The following PIBF1 variants were observed in gnomAD, a reference collection of about 807,000 sequenced individuals.
PIBF1 encodes the protein progesterone-induced-blocking factor 1.
Under a neutral mutation model 112.5 loss-of-function variants are expected in PIBF1, and 90 were observed. The observed-to-expected ratio is 0.80, with a 90% CI of 0.67 to 0.95. The LOEUF is 0.95. Among genes scored for constraint, PIBF1 ranks in the 40% least tolerant of loss-of-function variants. The pLI, the probability that PIBF1 is intolerant of heterozygous loss-of-function variation, is 0.00. For missense variants in PIBF1, 915 were observed against 852.3 expected, an observed-to-expected ratio of 1.07 and a Z score of -0.92; for synonymous variants, 301 against 288.6, an observed-to-expected ratio of 1.04 and a Z score of -0.44.
At chr13:72,900,606 GGATA>G (rs1247990449) in intron 11 of PIBF1, among the ~76,000 whole-genome samples, 1 of 152,136 alleles carries the variant, frequency 6.6e-6, no homozygotes, top group Non-Finnish European at 1.5e-5. Context: ...AACTCAAGAT[GGATA>G]AAGGACTTAA....
At chr13:72,938,087 T>G (rs936631203) in intron 14 of PIBF1, among the ~76,000 whole-genome samples, 1 of 152,220 alleles carries the variant, frequency 6.6e-6, no homozygotes. Flanking sequence ...TTTACATTTC[T>G]GACTATTTTT....
chr13:72,993,258 G>T (rs556045481), intron 16 of PIBF1, among the ~76,000 whole-genome samples: 1 of 152,052 alleles, frequency 6.6e-6, no homozygotes, highest in Non-Finnish European at 1.5e-5. Context: ...CCAGGAGGCG[G>T]AGGTTGTAGT....
chr13:73,013,573 T>TA (rs898222291), intron 17 of PIBF1, among the ~76,000 whole-genome samples: 5 of 151,092 alleles, frequency 3.3e-5, no homozygotes, highest in Admixed American at 2.6e-4. Flanking sequence ...CCCATCTCTA[T>TA]AAAAAATATA....
intron 17 of PIBF1, among the ~76,000 whole-genome samples, chr13:73,015,638 A>G (rs866437973): frequency 6.6e-6 from 1 of 152,336 alleles, no homozygotes. Context: ...AATCTTAAGT[A>G]TAGGCTTTGA....
chr13:72,905,772 G>C (rs956399243), intron 11 of PIBF1, among the ~76,000 whole-genome samples: 2 of 152,030 alleles, frequency 1.3e-5, no homozygotes, highest in Non-Finnish European at 2.9e-5. Flanking sequence ...CTGTCAACTT[G>C]GTCTCTGGAT....
chr13:72,949,615 C>T (rs1019728733), intron 14 of PIBF1, among the ~76,000 whole-genome samples: 3 of 152,158 alleles, frequency 2.0e-5, no homozygotes, highest in Admixed American at 6.5e-5. Context: ...CGGCACCCAG[C>T]TAACGAATAG....
At chr13:73,013,731 C>CAAAAAAAA (rs113104076) in intron 17 of PIBF1, among the ~76,000 whole-genome samples, 1 of 113,080 alleles carries the variant, frequency 8.8e-6, no homozygotes, top group African/African-American at 2.9e-5. Context: ...GAGCCTATCT[C>CAAAAAAAA]AAAAAAAAAA....
chr13:72,987,308 T>C (rs2043321959), intron 16 of PIBF1, among the ~76,000 whole-genome samples: 1 of 44,290 alleles, frequency 2.3e-5, no homozygotes, highest in Admixed American at 1.7e-4. Context: ...GTTGTTCTAC[T>C]TTTTTTTTTT....
rs189273297 is a variant in PIBF1, at chr13:72,787,703, G to C, written c.252+3982G>C. On this transcript the variant is annotated intron_variant, in intron 2 of 17. Coordinates refer to ENST00000326291, the MANE Select transcript of PIBF1 (RefSeq NM_006346.4). The stretch of plus-strand genomic sequence containing the variant: ...AGACAGAGTCTCACTCTGTTGCCCA[G>C]GCTGGAGTGCAGTGGCATGATCTCA... 7.5e-3 allele frequency among the ~76,000 whole-genome samples: 1,148 copies of C among 152,146 alleles called. 14 individuals are homozygous for C. Among genetic ancestry groups the C allele is most frequent in the Middle Eastern group, 0.014 (4 of 294 alleles).
intron 5 of PIBF1, among the ~76,000 whole-genome samples, chr13:72,807,682 G>T (rs751733728): frequency 6.6e-6 from 1 of 152,312 alleles, no homozygotes; most frequent in East Asian, 1.9e-4. Context: ...TAGTAGGGCA[G>T]ATTGGAGGAA....
chr13:72,937,075 T>G (rs925486149), intron 14 of PIBF1, among the ~76,000 whole-genome samples: 14 of 152,194 alleles, frequency 9.2e-5, no homozygotes, highest in Non-Finnish European at 1.8e-4. Context: ...AAAGTGTATG[T>G]TTTTCCAGCC....
chr13:72,927,988 TACACAC>T lies in PIBF1; in HGVS notation c.1731-3173_1731-3168del, dbSNP rs779852391. Among the ~76,000 whole-genome samples the T allele has an allele frequency of 2.4e-3, 125 of 52,398 alleles. 1 individual carries two copies. The highest frequency in any genetic ancestry group is 0.013 in the African/African-American group (114 of 9,110). 34.4% of individuals were successfully genotyped at this position (52,398 alleles called of 152,430 possible). On this transcript the variant is annotated intron_variant, in intron 13 of 17. Transcript: ENST00000326291. ...ATATATATATATATACATATATATA[TACACAC>T]ACATATATATACATATATATACATA...
rs1326878885 is a variant in PIBF1 at position 72,827,063 on chromosome 13, T to C, written c.860T>C (p.Ile287Thr). ...ATTGAGCTTAGGAGAAAACATGAAATACTTGAAGCCTCTCACATGATTCAA... is the reference window on the plus strand; with the variant it reads ...ATTGAGCTTAGGAGAAAACATGAAACACTTGAAGCCTCTCACATGATTCAA... ...EVIELRRKHE[I>T]LEASHMIQTK... Residue 287 changes from isoleucine (I) to threonine (T), a missense_variant, in exon 7 of 18, where the codon ATA becomes ACA. Coordinates refer to ENST00000326291, the MANE Select transcript of PIBF1 (RefSeq NM_006346.4). 8 of 1,606,466 alleles carry C rather than the reference T, an allele frequency of 5.0e-6. No homozygotes were observed. Among genetic ancestry groups the C allele is most frequent in the Non-Finnish European group, 6.8e-6 (8 of 1,176,406 alleles).
At chr13:72,795,075 A>G (rs1301170398) in intron 3 of PIBF1, among the ~76,000 whole-genome samples, 1 of 152,198 alleles carries the variant, frequency 6.6e-6, no homozygotes, top group Non-Finnish European at 1.5e-5. Flanking sequence ...AACCTTAAGC[A>G]GAAGAAATAT....
intron 15 of PIBF1, among the ~76,000 whole-genome samples, chr13:72,969,926 C>T (rs1021274385): frequency 2.6e-5 from 4 of 152,096 alleles, no homozygotes; most frequent in African/African-American, 4.8e-5. Flanking sequence ...CATCCAAAAG[C>T]GTTATCAAGT....
intron 2 of PIBF1, among the ~76,000 whole-genome samples, chr13:72,790,075 C>CT (rs2034818711): frequency 6.6e-6 from 1 of 152,166 alleles, no homozygotes; most frequent in Non-Finnish European, 1.5e-5. Context: ...CACCTATGCT[C>CT]TATCAGATTT....
chr13:72,818,463 C>G (rs933642364), intron 5 of PIBF1, among the ~76,000 whole-genome samples: 1 of 152,054 alleles, frequency 6.6e-6, no homozygotes, highest in East Asian at 1.9e-4. Flanking sequence ...TCTTATAGCC[C>G]ACATTTGGTT....
At chr13:72,816,644 G>C (rs1331093257) in intron 5 of PIBF1, among the ~76,000 whole-genome samples, 1 of 147,814 alleles carries the variant, frequency 6.8e-6, no homozygotes, top group African/African-American at 2.5e-5. Flanking sequence ...CTGGGCAACA[G>C]AGTGAGACCC....
chr13:72,835,060 A>C (rs1049321383), intron 8 of PIBF1, among the ~76,000 whole-genome samples, 183 bp from the exon 9 acceptor site: 1 of 152,180 alleles, frequency 6.6e-6, no homozygotes, highest in African/African-American at 2.4e-5. Context: ...GAAATCTTAG[A>C]TCATACTAGT....
Sources: allele counts gnomAD v4.1 joint callset (sites outside exome capture counted in the v4.1 genomes callset), GRCh38; gene constraint gnomAD v4.1.1; transcripts MANE v1.5; gene names NCBI Gene and HGNC (gene_info 2026-07-23, HGNC 2026-07-21).